Variants in MELTF observed in about 807,000 individuals in gnomAD.
MELTF encodes antigen p97 (melanoma associated) identified by monoclonal antibodies 133.2 and 96.5.
A neutral mutation model predicts 83.7 loss-of-function variants in MELTF; 67 were observed. The ratio of observed to expected loss-of-function variants is 0.80; its 90% CI spans 0.66 to 0.98. MELTF has a LOEUF of 0.98. Ranked by LOEUF, MELTF falls within the 50% of genes least tolerant of loss-of-function variation. MELTF has a pLI of 0.00. For synonymous variants in MELTF, 462 were observed against 447.6 expected (o/e 1.03, Z -0.41); for missense variants, 1,002 against 1,035.6 (o/e 0.97, Z 0.44).
intron 4 of MELTF, among the ~76,000 whole-genome samples, chr3:197,023,541 A>G (rs1346201590): frequency 6.6e-6 from 1 of 152,168 alleles, no homozygotes; most frequent in Non-Finnish European, 1.5e-5. Flanking sequence ...CCCGGCGGCC[A>G]GCCTCACGGG....
chr3:197,004,073 C>T lies in MELTF; in HGVS notation c.1965G>A (p.Lys655=). 6.2e-7 allele frequency: 1 copy of T among 1,614,154 alleles called. No homozygotes were observed. The highest frequency in any genetic ancestry group is 2.2e-5 in the East Asian group (1 of 44,894). ...AGGAGTCGAACATTTTGAACCCGTTCTTATTGTGGTCGTCTCCAAACAGGT... is the reference window on the plus strand; with the variant it reads ...AGGAGTCGAACATTTTGAACCCGTTTTTATTGTGGTCGTCTCCAAACAGGT... The part of the protein sequence containing the change: ...AQDLFGDDHN[K]NGFKMFDSSN... The change falls in exon 15 of 16, where the codon AAG becomes AAA. Residue 655 remains lysine (K), a synonymous_variant. Coordinates refer to ENST00000296350, the MANE Select transcript of MELTF (RefSeq NM_005929.6).
At chr3:197,019,702 C>A (rs984789160) in intron 6 of MELTF, 4 of 1,613,856 alleles carry the variant, frequency 2.5e-6, no homozygotes, top group Non-Finnish European at 3.4e-6. Flanking sequence ...CCAGGCTTGC[C>A]CAGCACTAGA....
chr3:197,016,998 G>A (rs1719402256), intron 7 of MELTF, 105 bp downstream of exon 7: 1 of 1,270,332 alleles, frequency 7.9e-7, no homozygotes, highest in Middle Eastern at 2.4e-4. Context: ...CCGTCCCAAG[G>A]ACAGTCTCTG....
rs1360137503 is a variant in MELTF, at chr3:197,002,346, T to C, written c.*1026A>G. The C allele has an allele frequency of 6.6e-6, 1 of 152,288 alleles. No homozygotes were observed. The highest frequency in any genetic ancestry group is 1.5e-5 in the Non-Finnish European group (1 of 68,094). The allele number at this position is 152,288 out of a possible 1,614,324, so 9.4% of individuals were successfully genotyped here. A position where few individuals can be genotyped will look rare whatever the true frequency, so the allele number is the denominator to read the frequency against. ...CATTTTTTTTAAGGGCTGCCAGTTC[T>C]GGAAACTTTTTCTGGCTTCTCAGAC... On this transcript the variant is annotated 3_prime_UTR_variant, in exon 16 of 16. Transcript: ENST00000296350.
intron 1 of MELTF, chr3:197,028,738 C>G (rs1560227754): frequency 6.6e-6 from 1 of 152,530 alleles, no homozygotes; most frequent in Non-Finnish European, 1.5e-5. Context: ...GACTTTCAGG[C>G]CTGAGCTCCT....
chr3:197,028,045 A>T, intron 1 of MELTF, 135 bp from the exon 2 acceptor site: 1 of 960,916 alleles, frequency 1.0e-6, no homozygotes, highest in Non-Finnish European at 1.5e-6. Context: ...CTGCCCTCCC[A>T]CAGGGAGGCA....
rs1479692288 is a variant in MELTF at position 197,006,355 on chromosome 3, AG to A, written c.1938+193del. Among the ~76,000 whole-genome samples the A allele has an allele frequency of 6.6e-6, 1 of 152,220 alleles. No individual in the cohort carries two copies. The highest frequency in any genetic ancestry group is 1.5e-5 in the Non-Finnish European group (1 of 68,042). On this transcript the variant is annotated intron_variant, in intron 14 of 15. Transcript: ENST00000296350. This position sits in a 1 kb window ranked among gnomAD's most constrained non-coding sequence, Gnocchi z 5.4. ...GTTGGTGAAAATGGTCCGACTGAGA[AG>A]GGAAAATCAACGATGCAGGAGGCAG... is the stretch of plus-strand genomic sequence containing the variant.
rs961475740 is a variant in MELTF at position 197,029,568 on chromosome 3, C to A, written c.49+86G>T. 196 of 1,114,886 alleles carry A rather than the reference C, an allele frequency of 1.8e-4. No individual in the cohort carries two copies. Among genetic ancestry groups the A allele is most frequent in the Non-Finnish European group, 5.8e-5 (51 of 880,300 alleles). The allele number at this position is 1,114,886 out of a possible 1,614,324, so 69.1% of individuals were successfully genotyped here. A position where few individuals can be genotyped will look rare whatever the true frequency, so the allele number is the denominator to read the frequency against. On this transcript the variant is annotated intron_variant, in intron 1 of 15. Transcript: ENST00000296350. This position sits in a 1 kb window ranked among gnomAD's most constrained non-coding sequence, Gnocchi z 6.5. ...ACTGCCCCGGAGCCGCAGGCTCAGG[C>A]ACATTTCCAGCCCCGGGACCTGCTC...
Position 197,007,161 on chromosome 3 carries a change from TC to T in MELTF, c.1751-426del, listed in dbSNP as rs1314899856. On this transcript the variant is annotated intron_variant, in intron 13 of 15. Transcript: ENST00000296350. The surrounding 1 kb of genome is among the most constrained non-coding windows in gnomAD (Gnocchi z 4.3). Reference sequence around the variant, plus strand: ...GCTCCCTGAAGGTGGTGGGTGATTGTCCCTAAGGGCTGAAGTTCTCAAATGG... The same window carrying T: ...GCTCCCTGAAGGTGGTGGGTGATTGTCCTAAGGGCTGAAGTTCTCAAATGG... 5.9e-5 allele frequency among the ~76,000 whole-genome samples: 9 copies of T among 152,238 alleles called. No individual in the cohort carries two copies. The highest frequency in any genetic ancestry group is 2.2e-4 in the African/African-American group (9 of 41,522).
In MELTF at chr3:197,007,833, A is replaced by G. The variant is rs1381043209; in HGVS notation, c.1750+824T>C. Among the ~76,000 whole-genome samples, 3 of 152,156 alleles carry G rather than the reference A, an allele frequency of 2.0e-5. No individual in the cohort carries two copies. The highest frequency in any genetic ancestry group is 2.9e-5 in the Non-Finnish European group (2 of 68,016). ...CTGCACGTCTTGCTTCCCATTGTCC[A>G]GTCCCCTCCCCACCGGGCCACAGTT... On this transcript the variant is annotated intron_variant, in intron 13 of 15. Coordinates refer to ENST00000296350, the MANE Select transcript of MELTF (RefSeq NM_005929.6). The surrounding 1 kb of genome is among the most constrained non-coding windows in gnomAD (Gnocchi z 4.3).
At chr3:197,009,099 C>A in intron 11 of MELTF, 134 bp from the exon 12 acceptor site, 5 of 1,015,444 alleles carry the variant, frequency 4.9e-6, no homozygotes, top group Non-Finnish European at 5.8e-6. Context: ...GCTCCGCTCC[C>A]CTCAGCTCTG....
chr3:197,016,042 G>T, intron 8 of MELTF, 147 bp downstream of exon 8: 1 of 668,672 alleles, frequency 1.5e-6, no homozygotes, highest in African/African-American at 1.9e-5. Context: ...CCTCCCCAAA[G>T]CCCCAGGGGC....
chr3:197,019,748 ACTCGCCTTCTTC>A lies in MELTF; in HGVS notation c.712+1644_712+1655del, dbSNP rs749674532. On this transcript the variant is annotated intron_variant, in intron 6 of 15. Transcript: ENST00000296350. ...CTACGTGCTTCCTCGTGTGCAGGGC[ACTCGCCTTCTTC>A]CTCCTCAGATCTGGTCCATGTTTGC... 661 of 1,607,720 alleles carry A rather than the reference ACTCGCCTTCTTC, an allele frequency of 4.1e-4. 1 individual carries two copies. Among genetic ancestry groups the A allele is most frequent in the Non-Finnish European group, 5.3e-4 (623 of 1,174,796 alleles).
At chr3:197,018,191 A>G (rs141067386) in intron 6 of MELTF, among the ~76,000 whole-genome samples, 1,799 of 151,970 alleles carry the variant, frequency 0.012, 40 homozygotes, top group African/African-American at 0.041. Flanking sequence ...CCTTTCGCCC[A>G]GGCTGGAGTG....
chr3:197,009,869 C>CT, intron 10 of MELTF, 57 bp from the exon 11 acceptor site: 1 of 1,494,470 alleles, frequency 6.7e-7, no homozygotes, highest in Non-Finnish European at 9.3e-7. Context: ...GGGCAAGTGC[C>CT]TGGGGGGGTC....
intron 5 of MELTF, among the ~76,000 whole-genome samples, 177 bp from the exon 6 acceptor site, chr3:197,021,648 C>A (rs1719628129): frequency 6.6e-6 from 1 of 152,210 alleles, no homozygotes; most frequent in Admixed American, 6.5e-5. Context: ...CGAGTTGTGG[C>A]CCCTTCCTAG....
chr3:197,024,153 GAGGCACGGGGC>G lies in MELTF; in HGVS notation c.487+139_487+149del. Reference sequence around the variant, plus strand: ...CGCCGGCGGCAGAGTGGAGGCGGGGGAGGCACGGGGCGGGCGGGGGCTGCTGCGCCTTCCAG... The same window carrying G: ...CGCCGGCGGCAGAGTGGAGGCGGGGGGGGCGGGGGCTGCTGCGCCTTCCAG... On this transcript the variant is annotated intron_variant, in intron 4 of 15. Transcript: ENST00000296350. The surrounding 1 kb of genome is among the most constrained non-coding windows in gnomAD (Gnocchi z 5.3). 1 of 803,160 alleles carries G rather than the reference GAGGCACGGGGC, an allele frequency of 1.2e-6. No individual in the cohort carries two copies. Among genetic ancestry groups the G allele is most frequent in the Non-Finnish European group, 1.9e-6 (1 of 526,532 alleles). The allele number at this position is 803,160 out of a possible 1,614,324, so 49.8% of individuals were successfully genotyped here.
intron 14 of MELTF, chr3:197,004,826 G>T (rs1302864404): frequency 6.6e-6 from 1 of 152,240 alleles, no homozygotes; most frequent in Admixed American, 6.5e-5. Context: ...GGAGGGACTC[G>T]CAGATCCTCC....
chr3:197,006,832 AG>A lies in MELTF; in HGVS notation c.1751-97del. 8.4e-7 allele frequency: 1 copy of A among 1,195,998 alleles called. No individual in the cohort carries two copies. The highest frequency in any genetic ancestry group is 2.4e-4 in the Middle Eastern group (1 of 4,182). 74.1% of individuals were successfully genotyped at this position (1,195,998 alleles called of 1,614,324 possible). A position where few individuals can be genotyped will look rare whatever the true frequency, so the allele number is the denominator to read the frequency against. Reference sequence around the variant, plus strand: ...CCTGGGACCCCAAGGCCTTCACCACAGGGAGGTGGCAACATCTGGCCAGCTC... The same window carrying A: ...CCTGGGACCCCAAGGCCTTCACCACAGGAGGTGGCAACATCTGGCCAGCTC... On this transcript the variant is annotated intron_variant, in intron 13 of 15. Transcript: ENST00000296350. The surrounding 1 kb of genome is among the most constrained non-coding windows in gnomAD (Gnocchi z 5.4).
Sources: gnomAD v4.1 joint callset for allele counts (sites outside exome capture counted in the v4.1 genomes callset) on GRCh38, gnomAD v4.1.1 for gene constraint, Gnocchi (gnomAD v3.1) non-coding constraint, MANE v1.5 for transcripts, NCBI Gene and HGNC (gene_info 2026-07-23, HGNC 2026-07-21) for gene names.